Variants in UNC13A observed in about 807,000 individuals in gnomAD.
The protein encoded by UNC13A is protein unc-13 homolog A.
UNC13A carries 61 observed loss-of-function variants against 219.7 expected under a neutral mutation model. That is an observed-to-expected ratio of 0.28 (90% confidence interval 0.23 to 0.34). The LOEUF is 0.34. Ranked by LOEUF, UNC13A falls within the 10% of genes least tolerant of loss-of-function variation. The pLI is 1.00. For synonymous variants in UNC13A, 920 were observed against 884.6 expected, an observed-to-expected ratio of 1.04 and a Z score of -0.71; for missense variants, 1,476 against 2,270.3, an observed-to-expected ratio of 0.65 and a Z score of 7.11.
At chr19:17,636,821 T>C (rs1272929428) in intron 25 of UNC13A, among the ~76,000 whole-genome samples, 1 of 152,132 alleles carries the variant, frequency 6.6e-6, no homozygotes, top group Non-Finnish European at 1.5e-5. Context: ...CTGAAATCAA[T>C]TGCATCTAAT....
In UNC13A at chr19:17,639,531, G is replaced by C. The variant is rs750793969; in HGVS notation, c.2857-6C>G. 3.1e-6 allele frequency: 5 copies of C among 1,612,100 alleles called. No homozygotes were observed. The African/African-American group carries it at 6.7e-5, about 22-fold the overall frequency. ...CTGCTGGCTGGGAAGTTATTCTGTT[G>C]GGAGCAGGAAGAGATGTGGGGTTAT... On this transcript the variant is annotated splice_region_variant and splice_polypyrimidine_tract_variant and intron_variant, in intron 23 of 43. Transcript: ENST00000519716.
At chr19:17,686,838 G>A (rs1464765678) in intron 1 of UNC13A, among the ~76,000 whole-genome samples, 2 of 151,452 alleles carry the variant, frequency 1.3e-5, no homozygotes, top group African/African-American at 2.4e-5. Context: ...GAGGGAGGAG[G>A]AGGGGCGGCG....
intron 26 of UNC13A, 90 bp from the exon 27 acceptor site, chr19:17,633,283 A>T (rs1240578447): frequency 1.9e-5 from 24 of 1,245,422 alleles, no homozygotes; most frequent in Non-Finnish European, 2.8e-5. Flanking sequence ...AGAGGAGTGT[A>T]GGGTAGGGTA....
rs114692740 is a variant in UNC13A, at chr19:17,681,268, G to A, written c.23-5227C>T. ...TCCCTGACCTGCCACGTGGGATGGG[G>A]TGGGGAGACAGGAGGTGGAGATCCA... On this transcript the variant is annotated intron_variant, in intron 1 of 43. Transcript: ENST00000519716. 4.0e-3 allele frequency among the ~76,000 whole-genome samples: 608 copies of A among 151,994 alleles called. 4 individuals are homozygous for A. The highest frequency in any genetic ancestry group is 0.014 in the African/African-American group (564 of 41,436).
At chr19:17,625,338 C>T (rs2076771518) in intron 34 of UNC13A, among the ~76,000 whole-genome samples, 1 of 152,034 alleles carries the variant, frequency 6.6e-6, no homozygotes, top group African/African-American at 2.4e-5. Context: ...GAAGGCCATG[C>T]CCAAGAGGAA....
At chr19:17,645,402 C>A (rs975268140) in intron 19 of UNC13A, among the ~76,000 whole-genome samples, 2 of 152,114 alleles carry the variant, frequency 1.3e-5, no homozygotes, top group Non-Finnish European at 2.9e-5. Flanking sequence ...GTTCTTGCTT[C>A]TTGCCTCCCC....
At chr19:17,614,654 G>A (rs2076642645) in intron 41 of UNC13A, among the ~76,000 whole-genome samples, 2 of 152,194 alleles carry the variant, frequency 1.3e-5, no homozygotes, top group East Asian at 1.9e-4. Flanking sequence ...GTTACCTCAC[G>A]CTGGACAGGA....
intron 28 of UNC13A, 94 bp from the exon 29 acceptor site, chr19:17,630,844 G>T: frequency 1.8e-6 from 2 of 1,118,278 alleles, no homozygotes; most frequent in African/African-American, 1.6e-5. Flanking sequence ...TGGAGCTATG[G>T]CTGCTCCTGC....
intron 11 of UNC13A, among the ~76,000 whole-genome samples, chr19:17,653,949 C>T (rs1021535243): frequency 6.6e-6 from 1 of 151,816 alleles, no homozygotes; most frequent in Non-Finnish European, 1.5e-5. Context: ...GCCTCAGCCT[C>T]CCGAGTAGCT....
At chr19:17,673,708 A>G (rs1364582506) in intron 3 of UNC13A, among the ~76,000 whole-genome samples, 4 of 151,010 alleles carry the variant, frequency 2.6e-5, no homozygotes, top group African/African-American at 7.3e-5. Context: ...AAAACAAAAA[A>G]AAAAGGAAAA....
chr19:17,681,501 C>A (rs955791876), intron 1 of UNC13A, among the ~76,000 whole-genome samples: 14 of 152,156 alleles, frequency 9.2e-5, no homozygotes, highest in African/African-American at 2.4e-4. Flanking sequence ...AAATGAGGAC[C>A]CTTATCCTCC....
At chr19:17,675,507 C>T (rs1213106499) in intron 2 of UNC13A, among the ~76,000 whole-genome samples, 1 of 151,360 alleles carries the variant, frequency 6.6e-6, no homozygotes, top group Non-Finnish European at 1.5e-5. Flanking sequence ...TAGAGGGCGC[C>T]TGTAATCCCA....
chr19:17,648,783 C>G (rs2079291121), intron 15 of UNC13A, 129 bp downstream of exon 15: 16 of 1,480,668 alleles, frequency 1.1e-5, no homozygotes, highest in Non-Finnish European at 1.5e-5. Context: ...GGAATCCACG[C>G]TGCCTTCTGC....
chr19:17,630,790 T>C, intron 28 of UNC13A, 40 bp from the exon 29 acceptor site: 1 of 1,591,118 alleles, frequency 6.3e-7, no homozygotes, highest in South Asian at 1.1e-5. Context: ...CCACCTCTTG[T>C]CCTCCTCAAC....
In UNC13A at chr19:17,623,508, G is replaced by A. The variant is rs773966529; in HGVS notation, c.4203+34C>T. 28 of 1,526,280 alleles carry A rather than the reference G, an allele frequency of 1.8e-5. No individual in the cohort carries two copies. In the South Asian group the frequency reaches 2.1e-4, roughly 11 times the overall value. 94.5% of individuals were successfully genotyped at this position (1,526,280 alleles called of 1,614,324 possible). A position where few individuals can be genotyped will look rare whatever the true frequency, so the allele number is the denominator to read the frequency against. ...GGCCGAGTCCAGACACAGAGAGGAC[G>A]GACAGACAGACGGACAGACGGGACT... On this transcript the variant is annotated intron_variant, in intron 36 of 43. Transcript: ENST00000519716.
Position 17,648,627 on chromosome 19 carries a change from G to C in UNC13A, c.1620C>G (p.Thr540=). Residue 540 remains threonine, a synonymous_variant, in exon 16 of 44, where the codon ACC becomes ACG. Transcript: ENST00000519716. ...AGATGGGGTAGATTAAGGCTTGCAG[G>C]GTCTTCTTGTAAACGTGGTTTTTCT... ...EELKNHVYKK[T]LQALIYPISC... 4 of 1,607,824 alleles carry C rather than the reference G, an allele frequency of 2.5e-6. No homozygotes were observed. Among genetic ancestry groups the C allele is most frequent in the Non-Finnish European group, 3.4e-6 (4 of 1,175,196 alleles).
chr19:17,678,169 TA>T (rs944960267), intron 1 of UNC13A, among the ~76,000 whole-genome samples: 3 of 152,106 alleles, frequency 2.0e-5, no homozygotes, highest in Non-Finnish European at 4.4e-5. Context: ...GCGATGGCCC[TA>T]AACACATGTC....
chr19:17,644,544 G>A, intron 19 of UNC13A, among the ~76,000 whole-genome samples: 1 of 106,898 alleles, frequency 9.4e-6, no homozygotes, highest in South Asian at 3.1e-4. Context: ...TTTTTTTTGA[G>A]ACGGAGTCTT....
chr19:17,621,743 T>C, intron 37 of UNC13A, 89 bp downstream of exon 37: 1 of 1,457,166 alleles, frequency 6.9e-7, no homozygotes, highest in East Asian at 2.3e-5. Flanking sequence ...CCAGCTGCCC[T>C]TCCTGCCCAG....
Sources: gnomAD v4.1 joint callset for allele counts (sites outside exome capture counted in the v4.1 genomes callset) on GRCh38, gnomAD v4.1.1 for gene constraint, MANE v1.5 for transcripts, NCBI Gene and HGNC (gene_info 2026-07-23, HGNC 2026-07-21) for gene names.